The following OSTM1 variants were observed in gnomAD, a reference collection of about 807,000 sequenced individuals.
OSTM1 encodes the protein osteoclastogenesis associated transmembrane protein 1, also known as osteopetrosis-associated transmembrane protein 1.
In OSTM1, 26 loss-of-function variants were observed where a neutral mutation model predicts 35.4. The ratio of observed to expected loss-of-function variants is 0.73; its 90% CI spans 0.54 to 1.02. OSTM1 has a LOEUF of 1.02. Ranked by LOEUF, OSTM1 falls within the 50% of genes least tolerant of loss-of-function variation. The pLI is 0.00. For missense variants in OSTM1, 366 were observed against 409.6 expected (o/e 0.89, Z 0.92); for synonymous variants, 181 against 165.0 (o/e 1.10, Z -0.75).
intron 5 of OSTM1, among the ~76,000 whole-genome samples, chr6:108,048,174 AGAAGT>A (rs1232533976): frequency 6.6e-6 from 1 of 152,242 alleles, no homozygotes; most frequent in Non-Finnish European, 1.5e-5. Flanking sequence ...TAGATATATT[AGAAGT>A]GAAGTTAGAT....
Position 108,074,257 on chromosome 6 carries a change from G to T in OSTM1, c.395C>A (p.Ala132Asp). 6.2e-7 allele frequency: 1 copy of T among 1,612,106 alleles called. No homozygotes were observed. Among genetic ancestry groups the T allele is most frequent in the East Asian group, 2.2e-5 (1 of 44,872 alleles). Residue 132 changes from alanine (A) to aspartate (D), a missense_variant, in exon 1 of 6, where the codon GCC becomes GAC. Transcript: ENST00000193322. The stretch of plus-strand genomic sequence containing the variant: ...ACGTGGTCCTGTACCCACCCCCGCG[G>T]CTCGGCTGATGTTGTCCATCTTGCT... ...VVSKMDNISR[A>D]AGNTSESQSC...
chr6:108,047,883 G>C (rs1400012257), intron 5 of OSTM1, among the ~76,000 whole-genome samples: 1 of 152,198 alleles, frequency 6.6e-6, no homozygotes, highest in African/African-American at 2.4e-5. Flanking sequence ...AAGTTAAATA[G>C]ATTAGCAAGG....
Position 108,074,587 on chromosome 6 carries a change from A to G in OSTM1, c.65T>C (p.Leu22Pro). The part of the protein sequence containing the change: ...CSLPPWLPLG[L>P]LLWSGLALGA... Reference sequence around the variant, plus strand: ...CAGGGCCAGCCCCGACCACAGCAGCAGCCCCAGCGGCAGCCACGGCGGCAA... The same window carrying G: ...CAGGGCCAGCCCCGACCACAGCAGCGGCCCCAGCGGCAGCCACGGCGGCAA... The change falls in exon 1 of 6, where the codon CTG becomes CCG. Residue 22 changes from leucine to proline, a missense_variant. Transcript: ENST00000193322. 6.4e-7 allele frequency: 1 copy of G among 1,565,844 alleles called. No homozygotes were observed. The highest frequency in any genetic ancestry group is 8.6e-7 in the Non-Finnish European group (1 of 1,160,136).
chr6:108,054,684 G>C (rs752382839), intron 2 of OSTM1, 97 bp from the exon 3 acceptor site: 30 of 579,348 alleles, frequency 5.2e-5, no homozygotes, highest in Non-Finnish European at 9.3e-5. Flanking sequence ...TCACACTACA[G>C]TAATTCTTTA....
intron 5 of OSTM1, among the ~76,000 whole-genome samples, chr6:108,048,749 CTTTT>C (rs575605197): frequency 8.9e-6 from 1 of 111,784 alleles, no homozygotes; most frequent in Non-Finnish European, 1.8e-5. Flanking sequence ...TGTGTTTTAA[CTTTT>C]TTTTTTTTTT....
At chr6:108,060,189 T>C (rs1160776290) in intron 2 of OSTM1, among the ~76,000 whole-genome samples, 1 of 152,164 alleles carries the variant, frequency 6.6e-6, no homozygotes, top group African/African-American at 2.4e-5. Flanking sequence ...TAATTTTAAT[T>C]GGGAAGAGTC....
intron 1 of OSTM1, among the ~76,000 whole-genome samples, chr6:108,067,648 T>C (rs1212103603): frequency 6.6e-6 from 1 of 151,918 alleles, no homozygotes; most frequent in African/African-American, 2.4e-5. Context: ...CCAGCCAACC[T>C]GGTGAAACCC....
intron 2 of OSTM1, 113 bp downstream of exon 2, chr6:108,064,072 T>A: frequency 4.3e-6 from 3 of 692,148 alleles, no homozygotes; most frequent in Non-Finnish European, 7.8e-6. Flanking sequence ...TTATTTAAAC[T>A]TAGCAATAAA....
At chr6:108,049,511 G>C in intron 4 of OSTM1, 93 bp from the exon 5 acceptor site, 5 of 1,579,374 alleles carry the variant, frequency 3.2e-6, no homozygotes, top group Non-Finnish European at 4.3e-6. Context: ...CAGGAATCTA[G>C]AATTTAGACT....
At chr6:108,046,168 A>ATTTT (rs750495431) in intron 5 of OSTM1, among the ~76,000 whole-genome samples, 3,724 of 93,258 alleles carry the variant, frequency 0.04, 250 homozygotes, top group African/African-American at 0.18. Context: ...CGCCCAGCTA[A>ATTTT]TTTTTTTTTT....
At chr6:108,054,654 C>A in intron 2 of OSTM1, 67 bp from the exon 3 acceptor site, 1 of 753,434 alleles carries the variant, frequency 1.3e-6, no homozygotes, top group Non-Finnish European at 2.3e-6. Flanking sequence ...TCATTTATAT[C>A]TTAAGCTATC....
intron 5 of OSTM1, among the ~76,000 whole-genome samples, chr6:108,048,875 C>G (rs1449221060): frequency 1.3e-5 from 2 of 151,482 alleles, no homozygotes; most frequent in Non-Finnish European, 2.9e-5. Context: ...CCTCAGCCTC[C>G]CGAGTAGCTG....
Position 108,069,540 on chromosome 6 carries a change from T to C in OSTM1, c.402+4710A>G, listed in dbSNP as rs555163123. Among the ~76,000 whole-genome samples the C allele has an allele frequency of 9.5e-4, 144 of 152,262 alleles. 1 individual carries two copies. The highest frequency in any genetic ancestry group is 6.8e-3 in the Middle Eastern group (2 of 294). ...ATAGATCTAAATTTTAAACACTATCTAAATTTTAAACAAACCAAGTAGAAT... is the reference window on the plus strand; with the variant it reads ...ATAGATCTAAATTTTAAACACTATCCAAATTTTAAACAAACCAAGTAGAAT... On this transcript the variant is annotated intron_variant, in intron 1 of 5. Transcript: ENST00000193322.
chr6:108,070,024 G>A (rs1315321434), intron 1 of OSTM1, among the ~76,000 whole-genome samples: 2 of 151,816 alleles, frequency 1.3e-5, no homozygotes, highest in East Asian at 1.9e-4. Flanking sequence ...AACCAGCCTT[G>A]CTCTGTTCCG....
chr6:108,067,828 TAAAA>T (rs60932026), intron 1 of OSTM1, among the ~76,000 whole-genome samples: 1 of 77,796 alleles, frequency 1.3e-5, no homozygotes, highest in Non-Finnish European at 2.5e-5. Context: ...AGCCTCTGTC[TAAAA>T]AAAAAAAAAA....
Position 108,071,460 on chromosome 6 carries a change from ATTTTTTT to A in OSTM1, c.402+2783_402+2789del, listed in dbSNP as rs545759140. ...AGCTGCGCACCACCACACCCGGCTA[ATTTTTTT>A]TTTTTTTTTTTTTTTTTGTATTTTT... is the stretch of plus-strand genomic sequence containing the variant. On this transcript the variant is annotated intron_variant, in intron 1 of 5. Transcript: ENST00000193322. Among the ~76,000 whole-genome samples the A allele has an allele frequency of 3.6e-3, 373 of 103,432 alleles. 1 individual carries two copies. The highest frequency in any genetic ancestry group is 9.3e-3 in the African/African-American group (225 of 24,288). The allele number at this position is 103,432 out of a possible 152,430, so 67.9% of individuals were successfully genotyped here. A position where few individuals can be genotyped will look rare whatever the true frequency, so the allele number is the denominator to read the frequency against.
At position 108,053,410 on chromosome 6, in the gene OSTM1, T is replaced by C. The variant is rs200542163; in HGVS notation, c.615+1080A>G. 2.0e-5 allele frequency among the ~76,000 whole-genome samples: 3 copies of C among 151,430 alleles called. No homozygotes were observed. In the East Asian group the frequency reaches 5.8e-4, roughly 29 times the overall value. On this transcript the variant is annotated intron_variant, in intron 3 of 5. Transcript: ENST00000193322. ...GTCCACTAAAGGCTCTGAAGTCCTGTAGTAAAGCATTTCCCAACCTTAATG... is the reference window on the plus strand; with the variant it reads ...GTCCACTAAAGGCTCTGAAGTCCTGCAGTAAAGCATTTCCCAACCTTAATG...
Position 108,049,246 on chromosome 6 carries a change from A to C in OSTM1, c.949+7T>G. ...ATCTATAAAATAAATAATTGTAAAA[A>C]ACTTACGCAGAATGAGTTTGCGTTT... On this transcript the variant is annotated splice_region_variant and intron_variant, in intron 5 of 5. Coordinates refer to ENST00000193322, the MANE Select transcript of OSTM1 (RefSeq NM_014028.4). 6.3e-7 allele frequency: 1 copy of C among 1,595,668 alleles called. No homozygotes were observed. Among genetic ancestry groups the C allele is most frequent in the Non-Finnish European group, 8.6e-7 (1 of 1,165,702 alleles).
At chr6:108,067,417 T>G (rs143767643) in intron 1 of OSTM1, among the ~76,000 whole-genome samples, 245 of 152,252 alleles carry the variant, frequency 1.6e-3, no homozygotes, top group African/African-American at 5.6e-3. Context: ...CTACAGAATC[T>G]TCACTTTCTC....
Sources: allele counts gnomAD v4.1 joint callset (sites outside exome capture counted in the v4.1 genomes callset), GRCh38; gene constraint gnomAD v4.1.1; transcripts MANE v1.5; gene names NCBI Gene and HGNC (gene_info 2026-07-23, HGNC 2026-07-21).